Variants in SGPP2 observed in about 807,000 individuals in gnomAD.
SGPP2 encodes sphingosine-1-phosphate phosphatase 2.
SGPP2 carries 30 observed loss-of-function variants against 33.9 expected under a neutral mutation model. The ratio of observed to expected loss-of-function variants is 0.89; its 90% CI spans 0.66 to 1.20. The LOEUF is 1.20. SGPP2 is among the 50% of genes most tolerant of loss of function. The pLI, the probability that SGPP2 is intolerant of heterozygous loss-of-function variation, is 0.00. For synonymous variants in SGPP2, 233 were observed against 225.0 expected, an observed-to-expected ratio of 1.04 and a Z score of -0.32; for missense variants, 458 against 532.1, an observed-to-expected ratio of 0.86 and a Z score of 1.37.
At chr2:222,538,629 G>A (rs896562936) in intron 4 of SGPP2, among the ~76,000 whole-genome samples, 1 of 152,190 alleles carries the variant, frequency 6.6e-6, no homozygotes, top group East Asian at 1.9e-4. Context: ...AAGAAAAGAG[G>A]CTTAATTGCC....
intron 1 of SGPP2, among the ~76,000 whole-genome samples, chr2:222,435,029 T>TATATATATGTGTATATATACAC (rs1491524876): frequency 0.11 from 2,781 of 24,768 alleles, 58 homozygotes; most frequent in South Asian, 0.27. Flanking sequence ...TATATGTGTG[T>TATATATATGTGTATATATACAC]ATATATATGT....
intron 2 of SGPP2, among the ~76,000 whole-genome samples, chr2:222,493,567 C>T (rs1698229471): frequency 6.6e-6 from 1 of 152,216 alleles, no homozygotes; most frequent in Non-Finnish European, 1.5e-5. Flanking sequence ...CACTCCTAGA[C>T]TACAGCAGTC....
At chr2:222,426,891 T>C (rs1226765817) in intron 1 of SGPP2, among the ~76,000 whole-genome samples, 1 of 152,226 alleles carries the variant, frequency 6.6e-6, no homozygotes, top group Non-Finnish European at 1.5e-5. Context: ...CTGCCCTCTC[T>C]GCAGGCCTTT....
Position 222,558,440 on chromosome 2 carries a change from C to A in SGPP2, c.742C>A (p.Leu248Ile). 1.2e-6 allele frequency: 2 copies of A among 1,614,194 alleles called. No individual in the cohort carries two copies. The highest frequency in any genetic ancestry group is 1.7e-6 in the Non-Finnish European group (2 of 1,180,036). The change falls in exon 5 of 5, where the codon CTC becomes ATC. Residue 248 changes from leucine to isoleucine, a missense_variant. Transcript: ENST00000321276. ...FIDCLDSASP[L>I]FPVCVIVVPF... ...CGACTGCCTGGACTCGGCCAGCCCC[C>A]TCTTCCCCGTGTGTGTCATAGTTGT...
chr2:222,470,157 C>T (rs1697816588), intron 1 of SGPP2, among the ~76,000 whole-genome samples: 2 of 152,096 alleles, frequency 1.3e-5, no homozygotes, highest in African/African-American at 4.8e-5. Context: ...GGGCAAATAC[C>T]TAATGCATGC....
intron 1 of SGPP2, among the ~76,000 whole-genome samples, chr2:222,469,421 G>A (rs973252133): frequency 2.6e-5 from 4 of 152,184 alleles, no homozygotes. Flanking sequence ...CTGACCTCGT[G>A]ATCTACCTGC....
intron 2 of SGPP2, among the ~76,000 whole-genome samples, chr2:222,488,937 A>G (rs1698155716): frequency 6.6e-6 from 1 of 152,224 alleles, no homozygotes. Flanking sequence ...ATGCTTTTCA[A>G]ATACATAGCA....
chr2:222,471,172 A>G (rs1407208782), intron 1 of SGPP2, among the ~76,000 whole-genome samples: 2 of 152,188 alleles, frequency 1.3e-5, no homozygotes, highest in African/African-American at 4.8e-5. Context: ...ACCCCTGACC[A>G]GTAACTGTCT....
At chr2:222,493,419 A>G (rs1698228029) in intron 2 of SGPP2, among the ~76,000 whole-genome samples, 1 of 152,220 alleles carries the variant, frequency 6.6e-6, no homozygotes, top group East Asian at 1.9e-4. Flanking sequence ...AACTGCCCCC[A>G]TGATCAAATT....
Position 222,558,413 on chromosome 2 carries a change from A to G in SGPP2, c.715A>G (p.Ile239Val), listed in dbSNP as rs372259929. 6.2e-6 allele frequency: 10 copies of G among 1,614,000 alleles called. No individual in the cohort carries two copies. The highest frequency in any genetic ancestry group is 4.5e-5 in the East Asian group (2 of 44,890). ...CCTCACCTACCCTGCCTGGACCTTC[A>G]TCGACTGCCTGGACTCGGCCAGCCC... ...IVLTYPAWTF[I>V]DCLDSASPLF... The change falls in exon 5 of 5, where the codon ATC becomes GTC. Residue 239 changes from isoleucine (I) to valine (V), a missense_variant. Coordinates refer to ENST00000321276, the MANE Select transcript of SGPP2 (RefSeq NM_152386.4).
At chr2:222,446,414 AATGAAAC>A in intron 1 of SGPP2, among the ~76,000 whole-genome samples, 1 of 152,328 alleles carries the variant, frequency 6.6e-6, no homozygotes, top group East Asian at 1.9e-4. Flanking sequence ...AAAAGTTTTA[AATGAAAC>A]AGTCGATCCG....
At chr2:222,511,451 G>A (rs1698526625) in intron 2 of SGPP2, among the ~76,000 whole-genome samples, 1 of 152,126 alleles carries the variant, frequency 6.6e-6, no homozygotes, top group Non-Finnish European at 1.5e-5. Flanking sequence ...AGGTGTTAAT[G>A]GTCTGTAATT....
Position 222,550,563 on chromosome 2 carries a change from G to A in SGPP2, c.649-7784G>A, listed in dbSNP as rs1689275489. 6.6e-6 allele frequency among the ~76,000 whole-genome samples: 1 copy of A among 152,090 alleles called. No individual in the cohort carries two copies. Among genetic ancestry groups the A allele is most frequent in the South Asian group, 2.1e-4 (1 of 4,836 alleles). ...ATACTTTCTGTAAAGCTTGTATTCT[G>A]TTTAAAACATCTCACTTATGGTTAC... On this transcript the variant is annotated intron_variant, in intron 4 of 4. Transcript: ENST00000321276. This position sits in a 1 kb window ranked among gnomAD's most constrained non-coding sequence, Gnocchi z 4.5.
rs185535896 is a variant in SGPP2 at position 222,424,797 on chromosome 2, G to A, written c.195G>A (p.Gly65=). The change falls in exon 1 of 5, where the codon GGG becomes GGA. Residue 65 remains glycine (G), a synonymous_variant. Coordinates refer to ENST00000321276, the MANE Select transcript of SGPP2 (RefSeq NM_152386.4). ...NGKGGEAPAN[G]LRRAAAPEAY... ...AGGGCGGCGAGGCTCCGGCCAACGG[G>A]CTGCGCAGAGCCGCGGCGCCGGAGG... is the stretch of plus-strand genomic sequence containing the variant. The A allele has an allele frequency of 1.4e-6, 2 of 1,381,566 alleles. No homozygotes were observed. The highest frequency in any genetic ancestry group is 1.9e-6 in the Non-Finnish European group (2 of 1,070,512). 85.6% of individuals were successfully genotyped at this position (1,381,566 alleles called of 1,614,324 possible).
At chr2:222,466,686 T>A (rs1423435737) in intron 1 of SGPP2, among the ~76,000 whole-genome samples, 1 of 152,176 alleles carries the variant, frequency 6.6e-6, no homozygotes, top group Non-Finnish European at 1.5e-5. Flanking sequence ...GGGTTTTTTT[T>A]TGGTATTGTG....
At chr2:222,556,331 C>T (rs997203209) in intron 4 of SGPP2, among the ~76,000 whole-genome samples, 4 of 151,974 alleles carry the variant, frequency 2.6e-5, no homozygotes, top group Admixed American at 6.6e-5. Flanking sequence ...GATGGTGAAG[C>T]GTGAGGGGAT....
chr2:222,436,810 C>T (rs1040843580), intron 1 of SGPP2, among the ~76,000 whole-genome samples: 12 of 152,192 alleles, frequency 7.9e-5, no homozygotes, highest in Admixed American at 2.6e-4. Flanking sequence ...TATAATCAAC[C>T]TGCCACCAGG....
At chr2:222,428,984 G>A (rs1033867222) in intron 1 of SGPP2, among the ~76,000 whole-genome samples, 1 of 151,708 alleles carries the variant, frequency 6.6e-6, no homozygotes, top group East Asian at 1.9e-4. Context: ...TAGAGATCGG[G>A]TTTTGCCATG....
chr2:222,533,803 T>C (rs1284599757), intron 4 of SGPP2, among the ~76,000 whole-genome samples: 2 of 151,762 alleles, frequency 1.3e-5, no homozygotes, highest in Non-Finnish European at 2.9e-5. Context: ...TTTTTTTTTT[T>C]CTATTTCGCT....
Sources: gnomAD v4.1 joint callset for allele counts (sites outside exome capture counted in the v4.1 genomes callset) on GRCh38, gnomAD v4.1.1 for gene constraint, Gnocchi (gnomAD v3.1) non-coding constraint, MANE v1.5 for transcripts, NCBI Gene and HGNC (gene_info 2026-07-23, HGNC 2026-07-21) for gene names.